ANXA11: variants seen among roughly 807,000 people sequenced by gnomAD.
ANXA11 encodes 56 kDa autoantigen.
In ANXA11, 57 loss-of-function variants were observed where a neutral mutation model predicts 64.7. The ratio of observed to expected loss-of-function variants is 0.88; its 90% CI spans 0.71 to 1.10. The LOEUF is 1.10. Ranked by LOEUF, ANXA11 falls within the 50% of genes least tolerant of loss-of-function variation. The pLI, the probability that ANXA11 is intolerant of heterozygous loss-of-function variation, is 0.00. For synonymous variants in ANXA11, 260 were observed against 265.2 expected, an observed-to-expected ratio of 0.98 and a Z score of 0.19; for missense variants, 675 against 670.7, an observed-to-expected ratio of 1.01 and a Z score of -0.07.
chr10:80,162,770 T>C (rs541024283), intron 11 of ANXA11, among the ~76,000 whole-genome samples: 3 of 152,350 alleles, frequency 2.0e-5, no homozygotes, highest in African/African-American at 7.2e-5. Flanking sequence ...CAGAGAGGTA[T>C]GGCCAACTCC....
intron 1 of ANXA11, among the ~76,000 whole-genome samples, chr10:80,181,965 C>T (rs1350312215): frequency 1.3e-5 from 2 of 152,164 alleles, no homozygotes; most frequent in Non-Finnish European, 2.9e-5. Context: ...AAACTTCTGC[C>T]GCACACAAAA....
rs777508467 is a variant in ANXA11, at chr10:80,159,154, T to C, written c.1222A>G (p.Lys408Glu). The change falls in exon 13 of 16, where the codon AAG becomes GAG. Residue 408 changes from lysine to glutamate, a missense_variant. Coordinates refer to ENST00000422982, the MANE Select transcript of ANXA11 (RefSeq NM_145868.2). ...CCGGACATCTCCCGGCAGATGCTCT[T>C]CTCAATGTCCCGGCCTGTCATTCTC... ...YQRMTGRDIE[K>E]SICREMSGDL... 1.7e-5 allele frequency: 28 copies of C among 1,614,158 alleles called. No individual in the cohort carries two copies. Among genetic ancestry groups the C allele is most frequent in the Non-Finnish European group, 2.3e-5 (27 of 1,180,024 alleles).
intron 2 of ANXA11, among the ~76,000 whole-genome samples, chr10:80,175,317 G>C (rs1368675705): frequency 1.3e-5 from 2 of 152,096 alleles, no homozygotes; most frequent in Admixed American, 1.3e-4. Flanking sequence ...GGAAGAGCCG[G>C]GATGGTGTCT....
intron 1 of ANXA11, among the ~76,000 whole-genome samples, chr10:80,177,388 C>T (rs1285941006): frequency 1.3e-5 from 2 of 152,136 alleles, no homozygotes; most frequent in East Asian, 1.9e-4. Flanking sequence ...CCTACCTCCC[C>T]GGACTGGTAC....
chr10:80,152,317 A>C lies in ANXA11; in HGVS notation c.*3536T>G, dbSNP rs1168012036. ...GTCCTAAGCATAATAAACAGTGTTG[A>C]TCCCAACCTCCCACTGACCTTGGAA... On this transcript the variant is annotated 3_prime_UTR_variant, in exon 16 of 16. Coordinates refer to ENST00000422982, the MANE Select transcript of ANXA11 (RefSeq NM_145868.2). 1 of 152,214 alleles carries C rather than the reference A, an allele frequency of 6.6e-6. No homozygotes were observed. The highest frequency in any genetic ancestry group is 6.5e-5 in the Admixed American group (1 of 15,286). 9.4% of individuals were successfully genotyped at this position (152,214 alleles called of 1,614,324 possible). A position where few individuals can be genotyped will look rare whatever the true frequency, so the allele number is the denominator to read the frequency against.
chr10:80,172,733 T>C, intron 3 of ANXA11, 74 bp downstream of exon 3: 2 of 1,449,740 alleles, frequency 1.4e-6, no homozygotes, highest in South Asian at 1.1e-5. Flanking sequence ...AGGAAACTAC[T>C]GTTCTCCCCT....
At chr10:80,160,101 T>C (rs1845447950) in intron 12 of ANXA11, among the ~76,000 whole-genome samples, 1 of 152,256 alleles carries the variant, frequency 6.6e-6, no homozygotes, top group African/African-American at 2.4e-5. Context: ...AGCCTGAGTC[T>C]CAGCTACCAT....
intron 13 of ANXA11, among the ~76,000 whole-genome samples, chr10:80,158,288 C>T (rs1845359707): frequency 6.6e-6 from 1 of 152,060 alleles, no homozygotes; most frequent in Non-Finnish European, 1.5e-5. Context: ...GTCAGAGGGG[C>T]GGGGGTCTTA....
chr10:80,158,650 G>A (rs996894354), intron 13 of ANXA11, among the ~76,000 whole-genome samples: 1 of 152,118 alleles, frequency 6.6e-6, no homozygotes, highest in Non-Finnish European at 1.5e-5. Context: ...CAATGTAAGA[G>A]GCACACCACC....
intron 1 of ANXA11, among the ~76,000 whole-genome samples, chr10:80,195,367 C>A (rs1282344374): frequency 6.6e-6 from 1 of 152,218 alleles, no homozygotes; most frequent in Non-Finnish European, 1.5e-5. Flanking sequence ...GGAGAAAACA[C>A]CTTCACTTGG....
rs182685250 is a variant in ANXA11 at position 80,202,333 on chromosome 10, T to C, written c.-58+3010A>G. 2.0e-5 allele frequency among the ~76,000 whole-genome samples: 3 copies of C among 152,146 alleles called. No homozygotes were observed. The East Asian group carries it at 5.8e-4, about 29-fold the overall frequency. Reference sequence around the variant, plus strand: ...CAGCATGGGCAAGGCCAGCTGTGGTTTGGGTCACTGTTCAGGCTGTACTTT... The same window carrying C: ...CAGCATGGGCAAGGCCAGCTGTGGTCTGGGTCACTGTTCAGGCTGTACTTT... On this transcript the variant is annotated intron_variant, in intron 1 of 15. Coordinates refer to ENST00000422982, the MANE Select transcript of ANXA11 (RefSeq NM_145868.2).
Position 80,155,853 on chromosome 10 carries a change from T to A in ANXA11, c.1518A>T (p.Ter506CysextTer41). 6.2e-7 allele frequency: 1 copy of A among 1,614,166 alleles called. No individual in the cohort carries two copies. Among genetic ancestry groups the A allele is most frequent in the Non-Finnish European group, 8.5e-7 (1 of 1,179,976 alleles). Reference protein sequence around the residue: ...ILLKICGGND* With the variant: ...ILLKICGGNDC ...GCAGAAGTGAGCCACCAGTCACTGTTCAGTCATTGCCACCACAGATCTTCA... is the reference window on the plus strand; with the variant it reads ...GCAGAAGTGAGCCACCAGTCACTGTACAGTCATTGCCACCACAGATCTTCA... Residue 506 changes from the stop codon to cysteine, a stop_lost, in exon 16 of 16, where the codon TGA becomes TGT. Coordinates refer to ENST00000422982, the MANE Select transcript of ANXA11 (RefSeq NM_145868.2).
intron 1 of ANXA11, among the ~76,000 whole-genome samples, chr10:80,194,856 ACTCG>A (rs1464527888): frequency 6.6e-6 from 1 of 152,060 alleles, no homozygotes; most frequent in African/African-American, 2.4e-5. Flanking sequence ...GCATGGTGAC[ACTCG>A]GCTAGGGCTG....
chr10:80,155,869 C>A lies in ANXA11; in HGVS notation c.1502G>T (p.Cys501Phe), dbSNP rs1468981421. The A allele has an allele frequency of 1.2e-5, 20 of 1,614,128 alleles. No homozygotes were observed. The highest frequency in any genetic ancestry group is 1.6e-5 in the Non-Finnish European group (19 of 1,180,050). The change falls in exon 16 of 16, where the codon TGT becomes TTT. Residue 501 changes from cysteine (C) to phenylalanine (F), a missense_variant. Transcript: ENST00000422982. ...AGTCACTGTTCAGTCATTGCCACCA[C>A]AGATCTTCAGCAGAATCTTCCGGTA... ...GDYRKILLKICGGND is the reference protein window; with the variant it reads ...GDYRKILLKIFGGND
At position 80,184,719 on chromosome 10, in the gene ANXA11, G is replaced by C. The variant is rs374440470; in HGVS notation, c.-57-8564C>G. Reference sequence around the variant, plus strand: ...GAGTATGAGCTTGGAATGCTTGAGGGGGCACTTGTCAATACAAGAGGGCCA... The same window carrying C: ...GAGTATGAGCTTGGAATGCTTGAGGCGGCACTTGTCAATACAAGAGGGCCA... On this transcript the variant is annotated intron_variant, in intron 1 of 15. Transcript: ENST00000422982. Among the ~76,000 whole-genome samples, 4 of 152,134 alleles carry C rather than the reference G, an allele frequency of 2.6e-5. No homozygotes were observed. The East Asian group carries it at 7.7e-4, about 29-fold the overall frequency.
intron 1 of ANXA11, among the ~76,000 whole-genome samples, chr10:80,193,975 C>T (rs143970325): frequency 5.3e-5 from 8 of 152,044 alleles, no homozygotes; most frequent in African/African-American, 9.6e-5. Flanking sequence ...TGCGCCACCA[C>T]GCCCAGCTAA....
intron 1 of ANXA11, among the ~76,000 whole-genome samples, chr10:80,183,620 C>T (rs1377509881): frequency 6.6e-6 from 1 of 152,246 alleles, no homozygotes; most frequent in African/African-American, 2.4e-5. Flanking sequence ...CTGACATCCC[C>T]TCACAGTGCT....
At chr10:80,200,652 A>G (rs1487885752) in intron 1 of ANXA11, among the ~76,000 whole-genome samples, 2 of 152,234 alleles carry the variant, frequency 1.3e-5, no homozygotes, top group Non-Finnish European at 2.9e-5. Flanking sequence ...AGATCTATCT[A>G]AAGTCAGCGT....
chr10:80,169,085 G>A lies in ANXA11; in HGVS notation c.445C>T (p.Pro149Ser). The A allele has an allele frequency of 1.3e-6, 2 of 1,535,156 alleles. No individual in the cohort carries two copies. Among genetic ancestry groups the A allele is most frequent in the East Asian group, 4.5e-5 (2 of 44,270 alleles). The change falls in exon 5 of 16, where the codon CCA becomes TCA. Residue 149 changes from proline (P) to serine (S), a missense_variant. Coordinates refer to ENST00000422982, the MANE Select transcript of ANXA11 (RefSeq NM_145868.2). ...GGAGGCTGACCAGGGTAGGTCACTG[G>A]TGGCTGCCCAGGGTAGGCCCCTGGG... Reference protein sequence around the residue: ...QPPGAYPGQPPVTYPGQPPVP... With the variant: ...QPPGAYPGQPSVTYPGQPPVP...
Sources: allele counts gnomAD v4.1 joint callset (sites outside exome capture counted in the v4.1 genomes callset), GRCh38; gene constraint gnomAD v4.1.1; transcripts MANE v1.5; gene names NCBI Gene and HGNC (gene_info 2026-07-23, HGNC 2026-07-21).